The following TANC2 variants were observed in gnomAD, a reference collection of about 807,000 sequenced individuals.
TANC2 encodes protein TANC2.
TANC2 carries 26 observed loss-of-function variants against 210.5 expected under a neutral mutation model. The ratio of observed to expected loss-of-function variants is 0.12; its 90% confidence interval spans 0.09 to 0.17. TANC2 has a LOEUF of 0.17. Among genes scored for constraint, TANC2 ranks in the 10% least tolerant of loss-of-function variants. TANC2 has a pLI of 1.00. For synonymous variants in TANC2, 931 were observed against 967.1 expected (o/e 0.96, Z 0.69); for missense variants, 2,129 against 2,608.9 (o/e 0.82, Z 4.01).
Position 63,293,439 on chromosome 17 carries a change from C to T in TANC2, c.1160-20949C>T, listed in dbSNP as rs919337162. ...GTACTTCGAGGCTAGACTTTATAGT[C>T]ATTATAGAAGAATGTGAGGAAATAC... On this transcript the variant is annotated intron_variant, in intron 9 of 27. Transcript: ENST00000689528. Among the ~76,000 whole-genome samples, 8 of 152,248 alleles carry T rather than the reference C, an allele frequency of 5.3e-5. No homozygotes were observed. In the East Asian group the frequency reaches 9.6e-4, roughly 18 times the overall value.
intron 9 of TANC2, among the ~76,000 whole-genome samples, chr17:63,300,136 G>T (rs2146482754): frequency 6.6e-6 from 1 of 152,216 alleles, no homozygotes; most frequent in East Asian, 1.9e-4. Flanking sequence ...TGTTCCATTG[G>T]TCTGTATGTA....
At chr17:63,002,625 A>T (rs538161598) in intron 1 of TANC2, among the ~76,000 whole-genome samples, 1 of 152,344 alleles carries the variant, frequency 6.6e-6, no homozygotes, top group East Asian at 1.9e-4. Flanking sequence ...CATCCTAGAA[A>T]GGTTCCTCGT....
At position 63,098,472 on chromosome 17, in the gene TANC2, ACACACACATACACT is replaced by A. The variant is rs1432181495; in HGVS notation, c.140-701_140-688del. Among the ~76,000 whole-genome samples, 82 of 37,190 alleles carry A rather than the reference ACACACACATACACT, an allele frequency of 2.2e-3. 1 individual carries two copies. The highest frequency in any genetic ancestry group is 3.5e-3 in the Non-Finnish European group (64 of 18,438). The allele number at this position is 37,190 out of a possible 152,430, so 24.4% of individuals were successfully genotyped here. The stretch of plus-strand genomic sequence containing the variant: ...CACACACACACACACACACACACAC[ACACACACATACACT>A]CTCTCTCTCTCTCTCTCTCTCTCTG... On this transcript the variant is annotated intron_variant, in intron 3 of 27. Transcript: ENST00000689528.
chr17:63,239,787 C>T (rs1401988572), intron 8 of TANC2, among the ~76,000 whole-genome samples: 1 of 152,116 alleles, frequency 6.6e-6, no homozygotes, highest in East Asian at 1.9e-4. Flanking sequence ...TGAATTGGCT[C>T]ATGGTTCTGC....
At chr17:63,336,025 G>T (rs553183034) in intron 11 of TANC2, among the ~76,000 whole-genome samples, 1 of 152,256 alleles carries the variant, frequency 6.6e-6, no homozygotes, top group Admixed American at 6.5e-5. Context: ...CTCTAGCCTG[G>T]GATCTATTCT....
At chr17:62,988,597 G>A (rs1397127892) in intron 1 of TANC2, among the ~76,000 whole-genome samples, 5 of 152,192 alleles carry the variant, frequency 3.3e-5, no homozygotes, top group African/African-American at 1.2e-4. Context: ...AGCAGTCGAT[G>A]TACAGTGAGA....
rs76234428 is a variant in TANC2 at position 63,201,622 on chromosome 17, C to CTTTTTTTTTT, written c.769+672_769+681dup. Among the ~76,000 whole-genome samples, 717 of 139,748 alleles carry CTTTTTTTTTT rather than the reference C, an allele frequency of 5.1e-3. 7 individuals carry two copies. The highest frequency in any genetic ancestry group is 0.017 in the African/African-American group (649 of 37,978). 91.7% of individuals were successfully genotyped at this position (139,748 alleles called of 152,430 possible). A position where few individuals can be genotyped will look rare whatever the true frequency, so the allele number is the denominator to read the frequency against. On this transcript the variant is annotated intron_variant, in intron 7 of 27. Transcript: ENST00000689528. ...TTTCCCCTCGTGAATTTTCTTATAC[C>CTTTTTTTTTT]TTTTTTTTTTTTTTTTACCAAAGAT... is the stretch of plus-strand genomic sequence containing the variant.
chr17:63,088,626 T>A (rs2037064668), intron 3 of TANC2: 1 of 152,208 alleles, frequency 6.6e-6, no homozygotes, highest in African/African-American at 2.4e-5. Context: ...TACTAAAGGT[T>A]CCCACAGTCT....
intron 2 of TANC2, among the ~76,000 whole-genome samples, chr17:63,050,864 G>A (rs957742674): frequency 6.6e-6 from 1 of 152,192 alleles, no homozygotes; most frequent in South Asian, 2.1e-4. Context: ...TGATGGCAGC[G>A]ATTAAAATGA....
intron 9 of TANC2, among the ~76,000 whole-genome samples, chr17:63,272,081 T>C (rs1159916141): frequency 6.6e-6 from 1 of 152,212 alleles, no homozygotes; most frequent in African/African-American, 2.4e-5. Flanking sequence ...CAGGTTTTTA[T>C]AGTTTGGGGT....
At chr17:63,237,994 C>G in exon 8 of TANC2, 3 of 1,576,090 alleles carry the variant, frequency 1.9e-6, no homozygotes, top group Non-Finnish European at 2.6e-6. Flanking sequence ...AATAAGATCC[C>G]AGAGAGAAAT....
intron 3 of TANC2, among the ~76,000 whole-genome samples, chr17:63,087,004 C>G (rs2036994862): frequency 6.6e-6 from 1 of 152,170 alleles, no homozygotes; most frequent in South Asian, 2.1e-4. Flanking sequence ...CACTGGCGTC[C>G]CTTTCTGTGC....
rs1168487271 is a variant in TANC2, at chr17:63,395,723, C to T, written c.3052-20C>T. 1.9e-6 allele frequency: 3 copies of T among 1,610,384 alleles called. No homozygotes were observed. Among genetic ancestry groups the T allele is most frequent in the African/African-American group, 2.7e-5 (2 of 74,884 alleles). On this transcript the variant is annotated intron_variant, in intron 17 of 27. Coordinates refer to ENST00000689528, the Ensembl canonical transcript of TANC2. ...GCCACAAGTCTGTGTTCACACATAT[C>T]TCCTGTCCTCTCCTCTTAGGTGGAT... is the stretch of plus-strand genomic sequence containing the variant.
At chr17:63,255,093 TTA>T (rs1598716030) in intron 8 of TANC2, among the ~76,000 whole-genome samples, 1 of 147,958 alleles carries the variant, frequency 6.8e-6, no homozygotes, top group Non-Finnish European at 1.5e-5. Flanking sequence ...ATTTATTTAT[TTA>T]TTTATTTATT....
intron 5 of TANC2, among the ~76,000 whole-genome samples, chr17:63,158,638 C>T (rs557077290): frequency 1.2e-4 from 18 of 152,246 alleles, no homozygotes; most frequent in Non-Finnish European, 2.4e-4. Flanking sequence ...GTAAGACTTG[C>T]AGGAAGTGTT....
Position 63,334,389 on chromosome 17 carries a change from G to A in TANC2, c.1576-5712G>A, listed in dbSNP as rs2045956831. Among the ~76,000 whole-genome samples, 10 of 152,006 alleles carry A rather than the reference G, an allele frequency of 6.6e-5. No homozygotes were observed. In the South Asian group the frequency reaches 2.1e-3, roughly 32 times the overall value. On this transcript the variant is annotated intron_variant, in intron 11 of 27. Transcript: ENST00000689528. ...AGTGACTAAAGCTGGAACAAATTGA[G>A]CAACAAAATTAATATAGTATTGAAT...
exon 14 of TANC2, chr17:63,355,159 T>C: frequency 1.2e-6 from 2 of 1,613,890 alleles, no homozygotes; most frequent in South Asian, 1.1e-5. Context: ...CTCCTGAATG[T>C]GGCAGTGGCC....
At chr17:63,207,247 G>T (rs1373552601) in intron 7 of TANC2, among the ~76,000 whole-genome samples, 3 of 116,612 alleles carry the variant, frequency 2.6e-5, no homozygotes, top group Non-Finnish European at 4.8e-5. Flanking sequence ...ACAGAGTCTC[G>T]CACTTTCGCC....
At chr17:63,067,262 C>G (rs1294150780) in intron 2 of TANC2, among the ~76,000 whole-genome samples, 1 of 152,094 alleles carries the variant, frequency 6.6e-6, no homozygotes, top group South Asian at 2.1e-4. Context: ...GAAAAGACAA[C>G]AGATACCAAC....
Sources: gnomAD v4.1 joint callset for allele counts (sites outside exome capture counted in the v4.1 genomes callset) on GRCh38, gnomAD v4.1.1 for gene constraint, MANE v1.5 for transcripts, NCBI Gene and HGNC (gene_info 2026-07-23, HGNC 2026-07-21) for gene names.